The following MGAT4C variants were observed in gnomAD, a reference collection of about 807,000 sequenced individuals.
MGAT4C encodes the protein MGAT4 family member C.
In MGAT4C, 19 loss-of-function variants were observed where a neutral mutation model predicts 40.1. The observed-to-expected ratio is 0.47, with a 90% CI of 0.33 to 0.70. The LOEUF (loss-of-function observed/expected upper bound fraction) is 0.70. MGAT4C is among the 30% of genes least tolerant of loss of function. The pLI is 0.02. For synonymous variants in MGAT4C, 181 were observed against 187.1 expected, an observed-to-expected ratio of 0.97 and a Z score of 0.27; for missense variants, 491 against 563.2, an observed-to-expected ratio of 0.87 and a Z score of 1.30.
chr12:86,191,083 GCACACACACACACACA>G (rs56357601), intron 1 of MGAT4C, among the ~76,000 whole-genome samples: 6,439 of 138,440 alleles, frequency 0.047, 498 homozygotes, highest in African/African-American at 0.16. Flanking sequence ...CTCTCTCTCT[GCACACACACACACACA>G]CACACACACA....
At chr12:86,042,667 C>T (rs1207847552) in intron 2 of MGAT4C, among the ~76,000 whole-genome samples, 2 of 151,766 alleles carry the variant, frequency 1.3e-5, no homozygotes, top group Non-Finnish European at 2.9e-5. Flanking sequence ...AGATTGAGAC[C>T]ATCCTGGCTA....
Position 86,625,250 on chromosome 12 carries a change from G to A in MGAT4C, c.-229+101959C>T, listed in dbSNP as rs796580385. On this transcript the variant is annotated intron_variant, in intron 2 of 7. Coordinates refer to the MGAT4C transcript ENST00000548651. ...TTGCAGGTTTCCTGAAGCATCCCTAGCCGTGCAGAACTGTAAGTCAATTAA... is the reference window on the plus strand; with the variant it reads ...TTGCAGGTTTCCTGAAGCATCCCTAACCGTGCAGAACTGTAAGTCAATTAA... Among the ~76,000 whole-genome samples the A allele has an allele frequency of 7.2e-5, 11 of 152,148 alleles. 1 individual carries two copies. The highest frequency in any genetic ancestry group is 2.4e-4 in the African/African-American group (10 of 41,500).
chr12:86,512,889 A>G (rs918525989), intron 2 of MGAT4C, among the ~76,000 whole-genome samples: 9 of 152,124 alleles, frequency 5.9e-5, no homozygotes, highest in South Asian at 2.1e-4. Context: ...ACTGTATTGT[A>G]TATTTAAAAT....
intron 1 of MGAT4C, among the ~76,000 whole-genome samples, chr12:86,252,954 G>A (rs568105190): frequency 2.6e-5 from 4 of 151,892 alleles, no homozygotes; most frequent in Non-Finnish European, 5.9e-5. Flanking sequence ...ACCACATTCA[G>A]AATCAAGTAT....
intron 2 of MGAT4C, among the ~76,000 whole-genome samples, chr12:86,600,134 T>A (rs957838681): frequency 4.6e-5 from 7 of 152,118 alleles, no homozygotes; most frequent in African/African-American, 1.7e-4. Flanking sequence ...ACAGGTTATA[T>A]TTACTCTCTA....
At chr12:86,583,634 T>A (rs1426088947) in intron 2 of MGAT4C, among the ~76,000 whole-genome samples, 1 of 151,172 alleles carries the variant, frequency 6.6e-6, no homozygotes, top group Non-Finnish European at 1.5e-5. Flanking sequence ...TTTGAAAATA[T>A]AAATAAACTA....
At chr12:86,428,336 T>TAAGG (rs1956971304) in intron 3 of MGAT4C, among the ~76,000 whole-genome samples, 1 of 152,208 alleles carries the variant, frequency 6.6e-6, no homozygotes, top group Non-Finnish European at 1.5e-5. Flanking sequence ...GTACTCATTC[T>TAAGG]TAACCATGTA....
intron 1 of MGAT4C, among the ~76,000 whole-genome samples, chr12:86,823,473 A>T (rs899340398): frequency 6.6e-6 from 1 of 151,316 alleles, no homozygotes; most frequent in African/African-American, 2.4e-5. Context: ...AAATTAACAG[A>T]TAATTACGTC....
At chr12:86,821,364 A>C (rs993607808) in intron 1 of MGAT4C, among the ~76,000 whole-genome samples, 3 of 150,806 alleles carry the variant, frequency 2.0e-5, no homozygotes, top group Non-Finnish European at 3.0e-5. Flanking sequence ...ATCTTTTTAA[A>C]TTTTTATGGA....
chr12:86,620,935 C>T (rs2136488599), intron 2 of MGAT4C, among the ~76,000 whole-genome samples: 1 of 152,142 alleles, frequency 6.6e-6, no homozygotes, highest in Middle Eastern at 3.4e-3. Context: ...TGTAAGTTTC[C>T]TAAGGCTTCC....
At chr12:86,496,244 C>A (rs565546546) in intron 2 of MGAT4C, among the ~76,000 whole-genome samples, 1 of 151,846 alleles carries the variant, frequency 6.6e-6, no homozygotes, top group Admixed American at 6.6e-5. Context: ...TGCGGACAAC[C>A]ACATGAGCAA....
chr12:86,310,151 T>C (rs2136149291), intron 4 of MGAT4C, among the ~76,000 whole-genome samples: 1 of 150,266 alleles, frequency 6.7e-6, no homozygotes, highest in East Asian at 1.9e-4. Context: ...GGTCTCAAAC[T>C]CAATTTTTTT....
intron 4 of MGAT4C, among the ~76,000 whole-genome samples, chr12:86,332,764 C>T (rs1046796795): frequency 1.3e-5 from 2 of 152,046 alleles, no homozygotes; most frequent in African/African-American, 4.8e-5. Flanking sequence ...TATGAAAGTG[C>T]ATCCATCAAG....
chr12:86,379,557 A>G lies in MGAT4C; in HGVS notation c.-119-45430T>C, dbSNP rs1020797994. Among the ~76,000 whole-genome samples, 6 of 152,092 alleles carry G rather than the reference A, an allele frequency of 3.9e-5. No homozygotes were observed. The East Asian group carries it at 7.7e-4, about 20-fold the overall frequency. Reference sequence around the variant, plus strand: ...ATGTGTCTGACTGATTCATGATTATATATCTACTGCTTAGAACGGTACATG... The same window carrying G: ...ATGTGTCTGACTGATTCATGATTATGTATCTACTGCTTAGAACGGTACATG... On this transcript the variant is annotated intron_variant, in intron 3 of 7. Transcript: ENST00000548651.
At chr12:86,335,550 C>T (rs1365201572) in intron 3 of MGAT4C, among the ~76,000 whole-genome samples, 1 of 152,042 alleles carries the variant, frequency 6.6e-6, no homozygotes, top group Non-Finnish European at 1.5e-5. Context: ...AGGAACCTCA[C>T]AGATACCAAA....
chr12:86,596,814 A>G (rs757748659), intron 2 of MGAT4C, among the ~76,000 whole-genome samples: 1 of 152,062 alleles, frequency 6.6e-6, no homozygotes, highest in Non-Finnish European at 1.5e-5. Context: ...AAAATGGGGG[A>G]ATGTGAATTA....
chr12:86,157,605 GAAAAGAAAAA>G (rs979255592), intron 1 of MGAT4C, among the ~76,000 whole-genome samples: 28 of 150,392 alleles, frequency 1.9e-4, no homozygotes, highest in Non-Finnish European at 3.0e-4. Context: ...TATTTATAAA[GAAAAGAAAAA>G]AAAAGAAAAG....
chr12:86,308,233 AT>A (rs1439320494), intron 4 of MGAT4C, among the ~76,000 whole-genome samples: 7 of 150,608 alleles, frequency 4.6e-5, no homozygotes, highest in Non-Finnish European at 2.9e-5. Flanking sequence ...ATCTTAAAAA[AT>A]TTGATGCATT....
intron 2 of MGAT4C, among the ~76,000 whole-genome samples, chr12:86,597,722 T>C (rs772758449): frequency 6.6e-6 from 1 of 152,178 alleles, no homozygotes; most frequent in African/African-American, 2.4e-5. Flanking sequence ...GTACAGTCTC[T>C]ATATCCTGAT....
Sources: allele counts gnomAD v4.1 joint callset (sites outside exome capture counted in the v4.1 genomes callset), GRCh38; gene constraint gnomAD v4.1.1; transcripts MANE v1.5; gene names NCBI Gene and HGNC (gene_info 2026-07-23, HGNC 2026-07-21).